Variants in KIZ observed in about 807,000 individuals in gnomAD.
The protein encoded by KIZ is kizuna centrosomal protein, also known as centrosomal protein kizuna.
Under a neutral mutation model 79.6 loss-of-function variants are expected in KIZ, and 68 were observed. The observed-to-expected ratio is 0.85, with a 90% CI of 0.70 to 1.05. KIZ has a LOEUF of 1.05. KIZ is among the 50% of genes least tolerant of loss of function. KIZ has a pLI of 0.00. For missense variants in KIZ, 797 were observed against 800.4 expected (o/e 1.00, Z 0.05); for synonymous variants, 280 against 281.8 (o/e 0.99, Z 0.06).
chr20:21,191,612 C>T (rs531018149), intron 6 of KIZ, among the ~76,000 whole-genome samples: 45 of 152,280 alleles, frequency 3.0e-4, no homozygotes, highest in African/African-American at 1.1e-3. Flanking sequence ...TTGATCCTCA[C>T]AGAGGCTAAA....
chr20:21,139,049 G>A (rs1375645234), intron 3 of KIZ: 9 of 145,652 alleles, frequency 6.2e-5, no homozygotes, highest in South Asian at 4.4e-4. Context: ...GAGAGCAAGC[G>A]TGTTCAGGGT....
At chr20:21,237,922 C>G (rs2037076477) in intron 11 of KIZ, among the ~76,000 whole-genome samples, 1 of 152,192 alleles carries the variant, frequency 6.6e-6, no homozygotes, top group Non-Finnish European at 1.5e-5. Flanking sequence ...CTTTGCCTCC[C>G]AGGCTCAAGC....
chr20:21,173,065 C>G (rs2034282861), intron 6 of KIZ, among the ~76,000 whole-genome samples: 1 of 152,046 alleles, frequency 6.6e-6, no homozygotes, highest in Non-Finnish European at 1.5e-5. Flanking sequence ...TGTGAAGGGT[C>G]AGTAGGCTGA....
chr20:21,215,597 T>C lies in KIZ; in HGVS notation c.1627T>C (p.Cys543Arg). Reference sequence around the variant, plus strand: ...TCAATTTTTAGAAGTTTCAAGTGGCTGTGGAGACAAGAGCAAGAAAGAAAA... The same window carrying C: ...TCAATTTTTAGAAGTTTCAAGTGGCCGTGGAGACAAGAGCAAGAAAGAAAA... ...PTREQEVSSG[C>R]GDKSKKENVA... The change falls in exon 9 of 13, where the codon TGT becomes CGT. Residue 543 changes from cysteine (C) to arginine (R), a missense_variant. Cys to Arg is a radical substitution (Grantham distance 180). Transcript: ENST00000619189. 6.2e-7 allele frequency: 1 copy of C among 1,602,004 alleles called. No individual in the cohort carries two copies. The highest frequency in any genetic ancestry group is 2.2e-5 in the East Asian group (1 of 44,754).
intron 9 of KIZ, among the ~76,000 whole-genome samples, chr20:21,226,780 C>T (rs891577244): frequency 6.6e-6 from 1 of 152,178 alleles, no homozygotes; most frequent in Non-Finnish European, 1.5e-5. Context: ...CTGATCTCGC[C>T]AGCCCTTTAG....
At chr20:21,203,898 A>G (rs2035695243) in intron 6 of KIZ, among the ~76,000 whole-genome samples, 1 of 152,056 alleles carries the variant, frequency 6.6e-6, no homozygotes. Flanking sequence ...TCTCTGGAAC[A>G]TTTTCATCTT....
At chr20:21,189,444 G>T (rs1426184776) in intron 6 of KIZ, among the ~76,000 whole-genome samples, 1 of 152,208 alleles carries the variant, frequency 6.6e-6, no homozygotes, top group African/African-American at 2.4e-5. Context: ...CGGTTTAAGG[G>T]TGGAGGAACA....
chr20:21,211,730 C>T (rs1224018190), intron 7 of KIZ, among the ~76,000 whole-genome samples: 1 of 152,240 alleles, frequency 6.6e-6, no homozygotes, highest in East Asian at 1.9e-4. Flanking sequence ...CTTAGAAATA[C>T]ACTTTTCTGG....
At chr20:21,238,378 AGT>A (rs1405006626) in intron 11 of KIZ, among the ~76,000 whole-genome samples, 1 of 142,674 alleles carries the variant, frequency 7.0e-6, no homozygotes, top group Middle Eastern at 3.9e-3. Flanking sequence ...AGAGGGTGTG[AGT>A]GTGTGAGAGA....
chr20:21,167,277 A>G (rs2033984674), intron 6 of KIZ, among the ~76,000 whole-genome samples: 2 of 152,248 alleles, frequency 1.3e-5, no homozygotes, highest in African/African-American at 4.8e-5. Flanking sequence ...TTGCATGGAT[A>G]GAAGTGTCTA....
chr20:21,155,742 A>G (rs2033349989), intron 4 of KIZ, among the ~76,000 whole-genome samples: 1 of 152,192 alleles, frequency 6.6e-6, no homozygotes, highest in South Asian at 2.1e-4. Flanking sequence ...GTATCTAAGT[A>G]TTTTTGTTAT....
At chr20:21,219,856 G>T (rs938566275) in intron 9 of KIZ, among the ~76,000 whole-genome samples, 1 of 152,030 alleles carries the variant, frequency 6.6e-6, no homozygotes, top group Non-Finnish European at 1.5e-5. Flanking sequence ...TTTGCTAATC[G>T]TTATTATGGA....
intron 9 of KIZ, among the ~76,000 whole-genome samples, chr20:21,222,649 G>A (rs1389846366): frequency 2.0e-5 from 3 of 152,280 alleles, no homozygotes; most frequent in South Asian, 4.1e-4. Flanking sequence ...AAATCCAGGC[G>A]TCAGCAGGGC....
At chr20:21,162,738 T>C in intron 5 of KIZ, 112 bp from the exon 6 acceptor site, 1 of 887,268 alleles carries the variant, frequency 1.1e-6, no homozygotes, top group Non-Finnish European at 1.7e-6. Flanking sequence ...CCGTAATGAA[T>C]TGTGTGTGGG....
At chr20:21,182,538 G>A (rs1281759989) in intron 6 of KIZ, among the ~76,000 whole-genome samples, 1 of 152,174 alleles carries the variant, frequency 6.6e-6, no homozygotes, top group Non-Finnish European at 1.5e-5. Context: ...GCTCAGCCCT[G>A]TAATCCTAGC....
At chr20:21,147,913 A>G (rs1023615999) in intron 4 of KIZ, among the ~76,000 whole-genome samples, 3 of 151,054 alleles carry the variant, frequency 2.0e-5, no homozygotes, top group Non-Finnish European at 2.9e-5. Context: ...GGGATTTGGT[A>G]CCTGGAACTA....
At chr20:21,141,596 G>A (rs542947750) in intron 3 of KIZ, among the ~76,000 whole-genome samples, 1 of 152,062 alleles carries the variant, frequency 6.6e-6, no homozygotes, top group South Asian at 2.1e-4. Flanking sequence ...GCCAGCATCT[G>A]CCTTAGCCTA....
At chr20:21,228,571 C>T (rs1035222704) in intron 9 of KIZ, among the ~76,000 whole-genome samples, 2 of 152,138 alleles carry the variant, frequency 1.3e-5, no homozygotes, top group African/African-American at 4.8e-5. Context: ...CTGACCCTCT[C>T]CCCATTCCCC....
At chr20:21,198,835 C>T (rs1023821917) in intron 6 of KIZ, 3 of 152,542 alleles carry the variant, frequency 2.0e-5, no homozygotes, top group Non-Finnish European at 4.4e-5. Flanking sequence ...GCCAGAAAAC[C>T]CTCTTTCAGT....
Sources: gnomAD v4.1 joint callset for allele counts (sites outside exome capture counted in the v4.1 genomes callset) on GRCh38, gnomAD v4.1.1 for gene constraint, MANE v1.5 for transcripts, NCBI Gene and HGNC (gene_info 2026-07-23, HGNC 2026-07-21) for gene names.